ABCB1: variants seen among roughly 807,000 people sequenced by gnomAD.
ABCB1 encodes the protein ATP-dependent translocase ABCB1.
A neutral mutation model predicts 142.0 loss-of-function variants in ABCB1; 69 were observed. The ratio of observed to expected loss-of-function variants is 0.49; its 90% confidence interval spans 0.40 to 0.59. ABCB1 has a LOEUF of 0.59. ABCB1 is among the 20% of genes least tolerant of loss of function. The pLI, the probability that ABCB1 is intolerant of heterozygous loss-of-function variation, is 0.00. For synonymous variants in ABCB1, 532 were observed against 539.2 expected, an observed-to-expected ratio of 0.99 and a Z score of 0.18; for missense variants, 1,326 against 1,554.7, an observed-to-expected ratio of 0.85 and a Z score of 2.47.
intron 1 of ABCB1, among the ~76,000 whole-genome samples, chr7:87,711,932 A>G (rs1830127085): frequency 6.6e-6 from 1 of 152,212 alleles, no homozygotes; most frequent in Non-Finnish European, 1.5e-5. Context: ...AGAAAAAAAT[A>G]AGCACAAAGA....
chr7:87,604,797 C>T (rs1458254323), upstream of ABCB1, among the ~76,000 whole-genome samples: 1 of 152,238 alleles, frequency 6.6e-6, no homozygotes, highest in Non-Finnish European at 1.5e-5. Flanking sequence ...TGTGATAAGT[C>T]GATGGCAAAT....
intron 1 of ABCB1, among the ~76,000 whole-genome samples, chr7:87,616,681 A>G (rs1431672028): frequency 2.6e-5 from 4 of 152,204 alleles, no homozygotes; most frequent in African/African-American, 4.8e-5. Context: ...TGAAATTACC[A>G]TATGTACTAT....
intron 1 of ABCB1, among the ~76,000 whole-genome samples, chr7:87,670,942 G>C: frequency 1.3e-5 from 2 of 152,206 alleles, no homozygotes; most frequent in East Asian, 3.9e-4. Context: ...GGTACTTCTG[G>C]GCTGCCCACT....
intron 2 of ABCB1, among the ~76,000 whole-genome samples, 184 bp downstream of exon 2, chr7:87,599,933 G>A (rs781237946): frequency 6.6e-5 from 10 of 152,144 alleles, no homozygotes; most frequent in Non-Finnish European, 1.2e-4. Flanking sequence ...AAATGCATAT[G>A]CTGTGCTCCA....
chr7:87,605,208 A>G (rs1337170954), upstream of ABCB1, among the ~76,000 whole-genome samples: 1 of 152,138 alleles, frequency 6.6e-6, no homozygotes, highest in Non-Finnish European at 1.5e-5. Flanking sequence ...ATCCAGGCGC[A>G]CTGCAACCTC....
In ABCB1 at chr7:87,521,425, G is replaced by A. The variant is rs1815502240; in HGVS notation, c.2686-549C>T. 1.8e-5 allele frequency: 12 copies of A among 671,940 alleles called. No individual in the cohort carries two copies. The South Asian group carries it at 2.1e-4, about 12-fold the overall frequency. The allele number at this position is 671,940 out of a possible 1,614,324, so 41.6% of individuals were successfully genotyped here. A position where few individuals can be genotyped will look rare whatever the true frequency, so the allele number is the denominator to read the frequency against. On this transcript the variant is annotated intron_variant, in intron 21 of 27. Transcript: ENST00000622132. ...CCTTTCTGCCCGTGGACGCCACCAA[G>A]GAAGCATCCTTAAAGTCTCTCTTTC... is the stretch of plus-strand genomic sequence containing the variant.
chr7:87,662,427 G>T (rs551787426), intron 1 of ABCB1, among the ~76,000 whole-genome samples: 31 of 152,006 alleles, frequency 2.0e-4, no homozygotes, highest in Middle Eastern at 6.8e-3. Flanking sequence ...TTGATTTTTT[G>T]TATACAGTGA....
At chr7:87,583,606 G>C (rs1275637471) in intron 4 of ABCB1, among the ~76,000 whole-genome samples, 4 of 152,126 alleles carry the variant, frequency 2.6e-5, no homozygotes, top group Non-Finnish European at 5.9e-5. Context: ...TAACCTAGGA[G>C]ATTTTGATAG....
rs201641280 is a variant in ABCB1, at chr7:87,570,214, T to C, written c.296A>G (p.Asn99Ser). Reference sequence around the variant, plus strand: ...CAGATTCATGAAGAACCCTGTATCATTGATATCACCTAGACCACCACAAAA... The same window carrying C: ...CAGATTCATGAAGAACCCTGTATCACTGATATCACCTAGACCACCACAAAA... The part of the protein sequence containing the change: ...MSNITNRSDI[N>S]DTGFFMNLEE... Residue 99 changes from asparagine to serine, a missense_variant, in exon 5 of 28, where the codon AAT becomes AGT. Physicochemically the swap from Asn to Ser is conservative, Grantham distance 46 (BLOSUM62 1). Transcript: ENST00000622132. The C allele has an allele frequency of 4.3e-6, 7 of 1,612,902 alleles. No homozygotes were observed. The highest frequency in any genetic ancestry group is 1.3e-5 in the African/African-American group (1 of 74,926).
intron 1 of ABCB1, among the ~76,000 whole-genome samples, chr7:87,677,496 A>G (rs1238357241): frequency 6.6e-6 from 1 of 152,152 alleles, no homozygotes; most frequent in South Asian, 2.1e-4. Context: ...AACAGAGAGT[A>G]AAATGTTGAT....
intron 1 of ABCB1, among the ~76,000 whole-genome samples, chr7:87,671,123 G>C (rs1381475646): frequency 6.6e-6 from 1 of 152,086 alleles, no homozygotes; most frequent in Admixed American, 6.5e-5. Context: ...AGGATGGAGG[G>C]TCTGTACTGT....
At chr7:87,626,153 CAT>C (rs1270038485) in intron 1 of ABCB1, among the ~76,000 whole-genome samples, 3 of 131,472 alleles carry the variant, frequency 2.3e-5, no homozygotes, top group South Asian at 2.5e-4. Context: ...TATATATTGT[CAT>C]ATATATGTGT....
At chr7:87,557,764 C>T (rs1021985172) in intron 8 of ABCB1, among the ~76,000 whole-genome samples, 2 of 152,194 alleles carry the variant, frequency 1.3e-5, no homozygotes, top group African/African-American at 4.8e-5. Context: ...TGTTGGGCTT[C>T]ACTCCCACAA....
intron 4 of ABCB1, among the ~76,000 whole-genome samples, chr7:87,572,000 G>A (rs1818076662): frequency 6.6e-6 from 1 of 152,172 alleles, no homozygotes; most frequent in Non-Finnish European, 1.5e-5. Flanking sequence ...AGGGATTCTT[G>A]ACTGCTTTGC....
rs201352027 is a variant in ABCB1, at chr7:87,550,481, C to T, written c.1211G>A (p.Arg404Gln). ...FRNVHFSYPSRKEVKILKGLN... is the reference protein window; with the variant it reads ...FRNVHFSYPSQKEVKILKGLN... ...TTATCACTGTACCTTAACTTCTTTT[C>T]GAGATGGGTAACTGAAGTGAACATT... The change falls in exon 11 of 28, where the codon CGA becomes CAA. Residue 404 changes from arginine (R) to glutamine (Q), a missense_variant. Coordinates refer to ENST00000622132, the MANE Select transcript of ABCB1 (RefSeq NM_001348946.2). The T allele has an allele frequency of 2.9e-5, 46 of 1,612,676 alleles. No individual in the cohort carries two copies. The highest frequency in any genetic ancestry group is 1.4e-4 in the South Asian group (13 of 91,078).
intron 1 of ABCB1, among the ~76,000 whole-genome samples, chr7:87,633,853 T>C (rs749899869): frequency 6.6e-6 from 1 of 152,296 alleles, no homozygotes; most frequent in African/African-American, 2.4e-5. Flanking sequence ...ATCTGTCTTA[T>C]CCTGTTTTGT....
At chr7:87,557,320 GA>G (rs1485681544) in intron 8 of ABCB1, among the ~76,000 whole-genome samples, 1 of 152,106 alleles carries the variant, frequency 6.6e-6, no homozygotes, top group African/African-American at 2.4e-5. Context: ...AAAAAGAAAA[GA>G]AAAGGAAAAC....
At chr7:87,552,381 T>A (rs1817111090) in intron 9 of ABCB1, among the ~76,000 whole-genome samples, 1 of 152,190 alleles carries the variant, frequency 6.6e-6, no homozygotes, top group Non-Finnish European at 1.5e-5. Context: ...TAGGGTTCAT[T>A]CCTGTCATAT....
intron 21 of ABCB1, among the ~76,000 whole-genome samples, chr7:87,524,875 A>C (rs1815717510): frequency 6.6e-6 from 1 of 152,210 alleles, no homozygotes; most frequent in Non-Finnish European, 1.5e-5. Flanking sequence ...CTGCTGAAAA[A>C]CAGATTTTAC....
Sources: allele counts gnomAD v4.1 joint callset (sites outside exome capture counted in the v4.1 genomes callset), GRCh38; gene constraint gnomAD v4.1.1; transcripts MANE v1.5; gene names NCBI Gene and HGNC (gene_info 2026-07-23, HGNC 2026-07-21).